TMEM164: variants seen among roughly 807,000 people sequenced by gnomAD.
TMEM164 encodes RP13-360B22.2.
A neutral mutation model predicts 18.8 loss-of-function variants in TMEM164; 4 were observed. That is an observed-to-expected ratio of 0.21 (90% confidence interval 0.10 to 0.49). TMEM164 has a LOEUF of 0.49. Among genes scored for constraint, TMEM164 ranks in the 20% least tolerant of loss-of-function variants. The pLI is 0.98. For synonymous variants in TMEM164, 86 were observed against 101.7 expected (o/e 0.85, Z 0.93); for missense variants, 108 against 239.9 (o/e 0.45, Z 3.63).
intron 2 of TMEM164, among the ~76,000 whole-genome samples, chrX:110,046,676 A>G (rs1935328206): frequency 8.9e-6 from 1 of 112,567 alleles, no homozygotes; most frequent in Non-Finnish European, 1.9e-5. Context: ...AAACTAAAAT[A>G]GAGTTGGGGG....
intron 4 of TMEM164, among the ~76,000 whole-genome samples, chrX:110,136,619 C>A (rs1401558668): frequency 1.8e-5 from 2 of 111,700 alleles, no homozygotes; most frequent in Admixed American, 1.9e-4. Context: ...GCCAAGTCAC[C>A]TGAGGTATGG....
chrX:110,100,695 C>T (rs951381755), intron 3 of TMEM164, among the ~76,000 whole-genome samples: 1 of 111,084 alleles, frequency 9.0e-6, no homozygotes, highest in Non-Finnish European at 1.9e-5. Flanking sequence ...CCTCAGCCTC[C>T]GGAGTAGCTG....
chrX:110,119,408 A>T (rs1315731277), intron 4 of TMEM164, among the ~76,000 whole-genome samples: 1 of 111,592 alleles, frequency 9.0e-6, no homozygotes, highest in African/African-American at 3.3e-5. Context: ...AGCCTGGGCA[A>T]CATAGCGAGA....
chrX:110,091,181 T>C (rs1301074448), intron 3 of TMEM164, among the ~76,000 whole-genome samples: 1 of 112,373 alleles, frequency 8.9e-6, no homozygotes, highest in Non-Finnish European at 1.9e-5. Context: ...TGTGCATGTG[T>C]CTTTATAGCA....
chrX:110,142,660 A>T (rs943693415), intron 4 of TMEM164, among the ~76,000 whole-genome samples: 5 of 113,310 alleles, frequency 4.4e-5, no homozygotes, highest in African/African-American at 1.6e-4. Context: ...GTTATATTTT[A>T]AAAATTTTAA....
chrX:110,090,639 A>G (rs1008866869), intron 3 of TMEM164, among the ~76,000 whole-genome samples: 2 of 111,598 alleles, frequency 1.8e-5, no homozygotes, highest in Non-Finnish European at 3.8e-5. Flanking sequence ...CATACGGAAA[A>G]GTGAATAGCG....
downstream of TMEM164, among the ~76,000 whole-genome samples, chrX:110,183,107 G>A (rs748034476): frequency 1.1e-4 from 12 of 112,359 alleles, no homozygotes; most frequent in African/African-American, 3.9e-4. Context: ...AGATCTAGTC[G>A]TGTACCCAGA....
At chrX:110,040,036 C>T (rs1399278513) in intron 2 of TMEM164, among the ~76,000 whole-genome samples, 1 of 111,686 alleles carries the variant, frequency 9.0e-6, no homozygotes, top group African/African-American at 3.3e-5. Flanking sequence ...AGTGCTGGCT[C>T]ATTCATAGAT....
downstream of TMEM164, among the ~76,000 whole-genome samples, chrX:110,181,967 G>A (rs2067325512): frequency 8.9e-6 from 1 of 111,919 alleles, no homozygotes; most frequent in Non-Finnish European, 1.9e-5. Context: ...GTATGTGAGT[G>A]GGTGTTTGTG....
At chrX:110,146,270 A>T (rs2066853085) in intron 5 of TMEM164, among the ~76,000 whole-genome samples, 1 of 112,284 alleles carries the variant, frequency 8.9e-6, no homozygotes, top group South Asian at 3.6e-4. Flanking sequence ...CCAAATCTGC[A>T]TGGCTGTTAT....
At chrX:110,060,266 GAAAA>G (rs140796343) in intron 2 of TMEM164, among the ~76,000 whole-genome samples, 2 of 51,503 alleles carry the variant, frequency 3.9e-5, no homozygotes, top group Admixed American at 2.7e-4. Flanking sequence ...GACCCTGTCT[GAAAA>G]AAAAAAAAAA....
rs149295522 is a variant in TMEM164 at position 110,160,039 on chromosome X, C to T, written c.587-11381C>T. Among the ~76,000 whole-genome samples the T allele has an allele frequency of 3.2e-4, 36 of 111,849 alleles. 1 individual carries two copies. In the East Asian group the frequency reaches 8.1e-3, roughly 25 times the overall value. ...CAAGGTGGTTGGAGGAAAGTGCCCA[C>T]ACAGCTTTAGGCCCACAGCTTGGTC... On this transcript the variant is annotated intron_variant, in intron 5 of 6. Transcript: ENST00000372068.
rs377641870 is a variant in TMEM164 at position 110,131,657 on chromosome X, C to T, written c.508-13141C>T. Among the ~76,000 whole-genome samples the T allele has an allele frequency of 7.2e-5, 8 of 111,376 alleles. No individual in the cohort carries two copies. In the East Asian group the frequency reaches 2.3e-3, roughly 32 times the overall value. Reference sequence around the variant, plus strand: ...TACAAGCCAATTTTCTTTTGACTTGCAGCTGCCCTGGTTCCTCGGTAGGCT... The same window carrying T: ...TACAAGCCAATTTTCTTTTGACTTGTAGCTGCCCTGGTTCCTCGGTAGGCT... On this transcript the variant is annotated intron_variant, in intron 4 of 6. Transcript: ENST00000372068.
chrX:110,152,118 T>G, intron 5 of TMEM164, among the ~76,000 whole-genome samples: 1 of 103,705 alleles, frequency 9.6e-6, no homozygotes, highest in Non-Finnish European at 2.0e-5. Context: ...TGCAGTGGCG[T>G]GATCTCAGCT....
intron 2 of TMEM164, among the ~76,000 whole-genome samples, chrX:110,063,438 T>G (rs921403877): frequency 1.8e-5 from 2 of 111,398 alleles, no homozygotes; most frequent in Non-Finnish European, 3.8e-5. Flanking sequence ...CTGATATGAC[T>G]GGGGGAACAG....
At chrX:110,122,557 A>C (rs1349052270) in intron 4 of TMEM164, among the ~76,000 whole-genome samples, 7 of 109,764 alleles carry the variant, frequency 6.4e-5, no homozygotes, top group Non-Finnish European at 1.1e-4. Context: ...TGTACCCTAA[A>C]ACTTAAAGTA....
chrX:110,097,954 A>T (rs1365762033), intron 3 of TMEM164, among the ~76,000 whole-genome samples: 1 of 111,918 alleles, frequency 8.9e-6, no homozygotes, highest in African/African-American at 3.2e-5. Context: ...TTTTGGGAAT[A>T]AAGTTCTATG....
intron 4 of TMEM164, among the ~76,000 whole-genome samples, chrX:110,125,908 T>A (rs1412543592): frequency 2.7e-5 from 3 of 112,368 alleles, no homozygotes; most frequent in African/African-American, 9.7e-5. Flanking sequence ...TGCTACTGAT[T>A]TAGCAACAGA....
chrX:110,083,845 T>C (rs758944001), intron 3 of TMEM164, among the ~76,000 whole-genome samples: 56 of 111,759 alleles, frequency 5.0e-4, no homozygotes, highest in African/African-American at 1.6e-3. Context: ...TGATTTTGTG[T>C]GTCTATGCTT....
Sources: allele counts gnomAD v4.1 joint callset (sites outside exome capture counted in the v4.1 genomes callset), GRCh38; gene constraint gnomAD v4.1.1; transcripts MANE v1.5; gene names NCBI Gene and HGNC (gene_info 2026-07-23, HGNC 2026-07-21).